The following TMEM132C variants were observed in gnomAD, a reference collection of about 807,000 sequenced individuals.
The protein encoded by TMEM132C is protein phosphatase 1, regulatory subunit 152.
TMEM132C carries 29 observed loss-of-function variants against 61.4 expected under a neutral mutation model. The observed-to-expected ratio is 0.47, with a 90% CI of 0.35 to 0.64. The LOEUF (loss-of-function observed/expected upper bound fraction) is 0.64, where lower values mean the gene tolerates loss of function less well. Ranked by LOEUF, TMEM132C falls within the 30% of genes least tolerant of loss-of-function variation. The probability of loss-of-function intolerance (pLI) is 0.00; values close to 1 mark genes in which losing one functional copy is unlikely to be tolerated. For missense variants in TMEM132C, 1,408 were observed against 1,476.9 expected (o/e 0.95, Z 0.76); for synonymous variants, 656 against 633.1 (o/e 1.04, Z -0.54).
At chr12:128,664,133 C>T (rs1292178599) in intron 4 of TMEM132C, among the ~76,000 whole-genome samples, 1 of 149,754 alleles carries the variant, frequency 6.7e-6, no homozygotes, top group South Asian at 2.1e-4. Flanking sequence ...CACGCGGGCA[C>T]TCACACAGGC....
intron 3 of TMEM132C, among the ~76,000 whole-genome samples, chr12:128,556,437 C>T (rs924173889): frequency 6.6e-6 from 1 of 152,194 alleles, no homozygotes; most frequent in Non-Finnish European, 1.5e-5. Context: ...TTCCACTATA[C>T]AGTGAGTATT....
chr12:128,567,884 T>C (rs1303126551), intron 3 of TMEM132C, among the ~76,000 whole-genome samples: 2 of 152,240 alleles, frequency 1.3e-5, no homozygotes, highest in Non-Finnish European at 2.9e-5. Flanking sequence ...GCATGGGCTG[T>C]GCTGATTCGA....
intron 1 of TMEM132C, among the ~76,000 whole-genome samples, chr12:128,340,453 C>G (rs537352881): frequency 3.8e-4 from 58 of 152,076 alleles, no homozygotes; most frequent in African/African-American, 1.3e-3. Flanking sequence ...AGAGCTGTTA[C>G]AAATTCATAA....
At chr12:128,288,055 C>CA (rs1871129288) in intron 1 of TMEM132C, 1 of 135,182 alleles carries the variant, frequency 7.4e-6, no homozygotes, top group Non-Finnish European at 1.6e-5. Context: ...TCCTCTCTTA[C>CA]TTTTTTTTTT....
At chr12:128,364,370 G>A (rs150573124) in intron 1 of TMEM132C, among the ~76,000 whole-genome samples, 8 of 138,950 alleles carry the variant, frequency 5.8e-5, no homozygotes, top group Admixed American at 7.7e-5. Flanking sequence ...AGCTAAGCTC[G>A]CAGAGTCTTT....
At chr12:128,482,925 G>C (rs1423796483) in intron 2 of TMEM132C, among the ~76,000 whole-genome samples, 3 of 151,836 alleles carry the variant, frequency 2.0e-5, no homozygotes, top group Non-Finnish European at 4.4e-5. Context: ...ACAGGGCCTG[G>C]GTGCAGAGCC....
At chr12:128,320,001 T>C (rs1010615378) in intron 1 of TMEM132C, among the ~76,000 whole-genome samples, 1 of 152,036 alleles carries the variant, frequency 6.6e-6, no homozygotes, top group Non-Finnish European at 1.5e-5. Context: ...ATGTAAAGAT[T>C]ATCATCTCAA....
chr12:128,622,066 G>A (rs1953967856), intron 4 of TMEM132C, among the ~76,000 whole-genome samples: 1 of 151,952 alleles, frequency 6.6e-6, no homozygotes. Context: ...TATATGGGCT[G>A]GGCATGGTGG....
chr12:128,625,803 C>A (rs1954009766), intron 4 of TMEM132C, among the ~76,000 whole-genome samples: 1 of 152,200 alleles, frequency 6.6e-6, no homozygotes, highest in South Asian at 2.1e-4. Flanking sequence ...ATAAGGACTT[C>A]ACCTGCGTGA....
intron 2 of TMEM132C, among the ~76,000 whole-genome samples, chr12:128,444,842 CTG>C (rs1456657165): frequency 6.6e-6 from 1 of 152,136 alleles, no homozygotes; most frequent in Non-Finnish European, 1.5e-5. Flanking sequence ...GCAATTAACT[CTG>C]TGAGGAACGA....
chr12:128,476,052 G>A (rs144320383), intron 2 of TMEM132C, among the ~76,000 whole-genome samples: 13 of 152,310 alleles, frequency 8.5e-5, no homozygotes, highest in Non-Finnish European at 1.0e-4. Flanking sequence ...GCCCTAGGAC[G>A]TGAGCTTGCA....
At chr12:128,344,133 G>A (rs549275698) in intron 1 of TMEM132C, among the ~76,000 whole-genome samples, 1 of 151,976 alleles carries the variant, frequency 6.6e-6, no homozygotes, top group Admixed American at 6.6e-5. Context: ...ACATGTTTTC[G>A]TGTGGATATA....
rs1873348004 is a variant in TMEM132C, at chr12:128,532,484, CA to C, written c.975-11468del. Among the ~76,000 whole-genome samples, 4 of 151,190 alleles carry C rather than the reference CA, an allele frequency of 2.6e-5. No homozygotes were observed. The South Asian group carries it at 8.4e-4, about 32-fold the overall frequency. On this transcript the variant is annotated intron_variant, in intron 2 of 8. Coordinates refer to ENST00000435159, the MANE Select transcript of TMEM132C (RefSeq NM_001136103.3). ...TGAAACCCCATCTCTACTAAAAATA[CA>C]AAAATTAGCCGGGCGTGGTGGCAGG...
chr12:128,580,377 C>T lies in TMEM132C; in HGVS notation c.1122-35775C>T, dbSNP rs193298573. On this transcript the variant is annotated intron_variant, in intron 3 of 8. Transcript: ENST00000435159. ...TGGAGCTTGCAGTGAGCAGAGATCGCGCCACTGCATTCCAGCCTGGGCGAC... is the reference window on the plus strand; with the variant it reads ...TGGAGCTTGCAGTGAGCAGAGATCGTGCCACTGCATTCCAGCCTGGGCGAC... 4.7e-3 allele frequency among the ~76,000 whole-genome samples: 710 copies of T among 152,040 alleles called. 6 individuals are homozygous for T. In the Middle Eastern group the frequency reaches 0.058, roughly 12 times the overall value.
At chr12:128,566,342 T>C (rs1223378266) in intron 3 of TMEM132C, among the ~76,000 whole-genome samples, 1 of 152,262 alleles carries the variant, frequency 6.6e-6, no homozygotes, top group African/African-American at 2.4e-5. Flanking sequence ...TGACATTTTG[T>C]GTGCATATTT....
intron 8 of TMEM132C, among the ~76,000 whole-genome samples, chr12:128,700,344 A>G (rs34721993): frequency 0.15 from 22,637 of 152,236 alleles, 2,079 homozygotes; most frequent in Middle Eastern, 0.26. Context: ...ATGAAACACT[A>G]CATTCCAGCC....
intron 1 of TMEM132C, among the ~76,000 whole-genome samples, chr12:128,327,629 C>G (rs1202783148): frequency 1.3e-5 from 2 of 152,128 alleles, no homozygotes; most frequent in Non-Finnish European, 2.9e-5. Flanking sequence ...GTGATCTGCC[C>G]ACCTCAGGCT....
chr12:128,395,529 C>T (rs951217180), intron 1 of TMEM132C, among the ~76,000 whole-genome samples: 2 of 152,176 alleles, frequency 1.3e-5, no homozygotes, highest in Non-Finnish European at 2.9e-5. Flanking sequence ...ACATTTAATA[C>T]ACCTAACCTA....
chr12:128,684,345 C>T (rs1593147458), intron 5 of TMEM132C, among the ~76,000 whole-genome samples: 1 of 152,206 alleles, frequency 6.6e-6, no homozygotes, highest in South Asian at 2.1e-4. Flanking sequence ...CAAACTCTAG[C>T]ACAACACAGA....
Sources: gnomAD v4.1 joint callset for allele counts (sites outside exome capture counted in the v4.1 genomes callset) on GRCh38, gnomAD v4.1.1 for gene constraint, MANE v1.5 for transcripts, NCBI Gene and HGNC (gene_info 2026-07-23, HGNC 2026-07-21) for gene names.